PAN3: variants seen among roughly 807,000 people sequenced by gnomAD.
PAN3 encodes the protein PAN2-PAN3 deadenylation complex subunit PAN3.
A neutral mutation model predicts 96.2 loss-of-function variants in PAN3; 19 were observed. That is an observed-to-expected ratio of 0.20 (90% CI 0.14 to 0.29). The LOEUF (loss-of-function observed/expected upper bound fraction) is 0.29, where lower values mean the gene tolerates loss of function less well. Ranked by LOEUF, PAN3 falls within the 10% of genes least tolerant of loss-of-function variation. PAN3 has a pLI of 1.00. For missense variants in PAN3, 882 were observed against 1,108.1 expected, an observed-to-expected ratio of 0.80 and a Z score of 2.90; for synonymous variants, 433 against 406.6, an observed-to-expected ratio of 1.06 and a Z score of -0.78.
chr13:28,234,161 T>G (rs1882863148), intron 6 of PAN3, among the ~76,000 whole-genome samples: 1 of 152,218 alleles, frequency 6.6e-6, no homozygotes, highest in Non-Finnish European at 1.5e-5. Flanking sequence ...GAGAACAGGC[T>G]TCCCCCTTCC....
chr13:28,206,828 T>C (rs1462195885), intron 5 of PAN3, among the ~76,000 whole-genome samples: 1 of 152,118 alleles, frequency 6.6e-6, no homozygotes, highest in Non-Finnish European at 1.5e-5. Context: ...TTTCACTCTT[T>C]CTTCATAGTG....
chr13:28,282,461 A>G (rs752746870), intron 17 of PAN3, among the ~76,000 whole-genome samples: 1 of 152,122 alleles, frequency 6.6e-6, no homozygotes, highest in Non-Finnish European at 1.5e-5. Flanking sequence ...ATGTTAAACC[A>G]TTTTTAATAA....
At chr13:28,195,794 C>G (rs558727207) in intron 4 of PAN3, among the ~76,000 whole-genome samples, 2 of 152,118 alleles carry the variant, frequency 1.3e-5, no homozygotes, top group African/African-American at 2.4e-5. Flanking sequence ...CCTCGGCTTC[C>G]CAAAGTGCTG....
At chr13:28,283,807 G>A (rs1463524004) in intron 17 of PAN3, among the ~76,000 whole-genome samples, 2 of 152,162 alleles carry the variant, frequency 1.3e-5, no homozygotes, top group Non-Finnish European at 2.9e-5. Context: ...TAATTAATAA[G>A]TATATGATCC....
rs575633028 is a variant in PAN3 at position 28,158,291 on chromosome 13, G to T, written c.431-15981G>T. On this transcript the variant is annotated intron_variant, in intron 1 of 18. Coordinates refer to ENST00000380958, the MANE Select transcript of PAN3 (RefSeq NM_175854.8). ...CATTCTGGACATACGCCCCAGCAAA[G>T]ATTTCATGAGGAAGATGCCAAAAGC... Among the ~76,000 whole-genome samples, 8 of 152,308 alleles carry T rather than the reference G, an allele frequency of 5.3e-5. No individual in the cohort carries two copies. In the South Asian group the frequency reaches 1.7e-3, roughly 32 times the overall value.
At chr13:28,208,158 G>A (rs755594199) in intron 5 of PAN3, among the ~76,000 whole-genome samples, 2 of 152,110 alleles carry the variant, frequency 1.3e-5, no homozygotes, top group Non-Finnish European at 2.9e-5. Context: ...GATTAATATG[G>A]TAGGATTCTT....
chr13:28,165,761 G>GT (rs1873462300), intron 1 of PAN3, among the ~76,000 whole-genome samples: 1 of 152,064 alleles, frequency 6.6e-6, no homozygotes. Context: ...GTCCAACCAA[G>GT]GTGGGTTGGT....
chr13:28,192,863 A>G (rs1294352419), intron 4 of PAN3, among the ~76,000 whole-genome samples: 6 of 152,250 alleles, frequency 3.9e-5, no homozygotes, highest in Non-Finnish European at 5.9e-5. Context: ...TCTATGCAAT[A>G]AAACTTTTCT....
In PAN3 at chr13:28,280,555, ATTTTTTTTTTTT is replaced by A. The variant is rs35542876; in HGVS notation, c.2319+27_2319+38del. On this transcript the variant is annotated intron_variant, in intron 16 of 18. Transcript: ENST00000380958. ...GACCTTGCAAAGGTAAAGAGTGTAA[ATTTTTTTTTTTT>A]TTTTTTTTTTTTGAGACAGAGTCTT... 2.6e-6 allele frequency: 3 copies of A among 1,150,774 alleles called. No homozygotes were observed. The highest frequency in any genetic ancestry group is 2.2e-6 in the Non-Finnish European group (2 of 895,288). The allele number at this position is 1,150,774 out of a possible 1,614,324, so 71.3% of individuals were successfully genotyped here. A position where few individuals can be genotyped will look rare whatever the true frequency, so the allele number is the denominator to read the frequency against.
rs1320773045 is a variant in PAN3, at chr13:28,139,076, C to T, written c.419C>T (p.Pro140Leu). Residue 140 changes from proline (P) to leucine (L), a missense_variant, in exon 1 of 19, where the codon CCG becomes CTG. Coordinates refer to ENST00000380958, the MANE Select transcript of PAN3 (RefSeq NM_175854.8). ...GGGSSGGLDG[P>L]RLAIPGMDGG... is the part of the protein sequence containing the mutation. ...GGCAGTAGCGGGGGACTCGATGGAC[C>T]GCGGCTGGCAAGTGAGTGTTTTTCG... The T allele has an allele frequency of 8.7e-6, 11 of 1,267,178 alleles. No homozygotes were observed. In the Admixed American group the frequency reaches 3.4e-4, roughly 39 times the overall value. The allele number at this position is 1,267,178 out of a possible 1,614,324, so 78.5% of individuals were successfully genotyped here.
In PAN3 at chr13:28,263,176, T is replaced by G. The variant is rs192936803; in HGVS notation, c.1411+1718T>G. Among the ~76,000 whole-genome samples, 169 of 152,286 alleles carry G rather than the reference T, an allele frequency of 1.1e-3. 2 individuals carry two copies. Among genetic ancestry groups the G allele is most frequent in the African/African-American group, 3.9e-3 (161 of 41,554 alleles). ...GTGTATTAGGGAAGGAGAGGTTTGA[T>G]TTGAGTCTGCAGTAACTAAATCAAT... is the stretch of plus-strand genomic sequence containing the variant. On this transcript the variant is annotated intron_variant, in intron 9 of 18. Transcript: ENST00000380958.
rs1361124603 is a variant in PAN3 at position 28,277,342 on chromosome 13, A to G, written c.2155A>G (p.Ile719Val). 1.2e-6 allele frequency: 2 copies of G among 1,613,154 alleles called. No individual in the cohort carries two copies. The highest frequency in any genetic ancestry group is 2.2e-5 in the East Asian group (1 of 44,866). The change falls in exon 15 of 19, where the codon ATC (isoleucine) becomes GTC (valine). Residue 719 changes from isoleucine to valine, a missense_variant. Around this residue, in one of 3 missense-constraint regions of PAN3, gnomAD observed 364 missense variants for 513.6 expected, o/e 0.71. Transcript: ENST00000380958. ...ACAGAAAGCCATGGAACTGGTGACA[A>G]TCAACTATTCCTCTGACCTGAAGAA... ...NLQKAMELVT[I>V]NYSSDLKNLI...
intron 14 of PAN3, among the ~76,000 whole-genome samples, chr13:28,275,026 A>C (rs980271909): frequency 6.6e-6 from 1 of 152,186 alleles, no homozygotes; most frequent in Non-Finnish European, 1.5e-5. Flanking sequence ...GAAGAAACTG[A>C]AAATCAGTTG....
chr13:28,219,415 T>G (rs1881143782), intron 5 of PAN3, among the ~76,000 whole-genome samples: 1 of 147,574 alleles, frequency 6.8e-6, no homozygotes, highest in South Asian at 2.1e-4. Flanking sequence ...ATCTAGTATT[T>G]TGAACTCTTA....
chr13:28,158,593 A>G (rs753782797), intron 1 of PAN3, among the ~76,000 whole-genome samples: 5 of 152,358 alleles, frequency 3.3e-5, no homozygotes, highest in Admixed American at 2.6e-4. Context: ...AATGCTCAAC[A>G]TTGGCTGGGC....
chr13:28,231,100 A>G (rs1245914633), intron 6 of PAN3, among the ~76,000 whole-genome samples: 1 of 152,212 alleles, frequency 6.6e-6, no homozygotes, highest in African/African-American at 2.4e-5. Flanking sequence ...TAAGTAACCT[A>G]CTATTATAGG....
At chr13:28,257,721 A>T (rs1400393993) in intron 7 of PAN3, among the ~76,000 whole-genome samples, 4 of 139,086 alleles carry the variant, frequency 2.9e-5, no homozygotes, top group Non-Finnish European at 6.1e-5. Flanking sequence ...TATATAATTA[A>T]TATATATTAT....
intron 1 of PAN3, among the ~76,000 whole-genome samples, chr13:28,141,469 T>C (rs28665526): frequency 4.4e-4 from 61 of 137,210 alleles, no homozygotes; most frequent in Non-Finnish European, 6.2e-4. Context: ...TTTCTTTTTT[T>C]TTTTTTTTTT....
At chr13:28,203,807 CTTT>C (rs767439908) in intron 5 of PAN3, among the ~76,000 whole-genome samples, 2 of 139,824 alleles carry the variant, frequency 1.4e-5, no homozygotes, top group Non-Finnish European at 3.2e-5. Context: ...TTTTTCTTTT[CTTT>C]TTTTTTTTTT....
Sources: allele counts gnomAD v4.1 joint callset (sites outside exome capture counted in the v4.1 genomes callset), GRCh38; gene constraint gnomAD v4.1.1; regional missense constraint gnomAD v4.1.1; transcripts MANE v1.5; gene names NCBI Gene and HGNC (gene_info 2026-07-23, HGNC 2026-07-21).